AK8: variants seen among roughly 807,000 people sequenced by gnomAD.
AK8 encodes the protein adenylate kinase 8.
Under a neutral mutation model 54.6 loss-of-function variants are expected in AK8, and 44 were observed. The observed-to-expected ratio is 0.81, with a 90% CI of 0.63 to 1.04. The LOEUF is 1.04. Among genes scored for constraint, AK8 ranks in the 50% least tolerant of loss-of-function variants. The probability of loss-of-function intolerance (pLI) is 0.00; values close to 1 mark genes in which losing one functional copy is unlikely to be tolerated. For synonymous variants in AK8, 239 were observed against 245.6 expected, an observed-to-expected ratio of 0.97 and a Z score of 0.25; for missense variants, 555 against 613.6, an observed-to-expected ratio of 0.90 and a Z score of 1.01.
intron 11 of AK8, among the ~76,000 whole-genome samples, chr9:132,776,297 C>T (rs572002404): frequency 7.0e-4 from 106 of 152,318 alleles, no homozygotes; most frequent in South Asian, 1.4e-3. Flanking sequence ...AACTGCAGGC[C>T]GGATGACCCA....
intron 11 of AK8, among the ~76,000 whole-genome samples, chr9:132,731,405 A>G (rs752712519): frequency 6.6e-6 from 1 of 152,032 alleles, no homozygotes; most frequent in Non-Finnish European, 1.5e-5. Context: ...GTGTCTCCAG[A>G]GGAGAGGGCT....
At chr9:132,867,726 T>TGGGGCCAG (rs1166504388) in intron 2 of AK8, among the ~76,000 whole-genome samples, 1 of 152,250 alleles carries the variant, frequency 6.6e-6, no homozygotes, top group Non-Finnish European at 1.5e-5. Context: ...GCCCTTTCTC[T>TGGGGCCAG]GTTCTAGGCC....
intron 9 of AK8, 99 bp downstream of exon 9, chr9:132,823,106 C>G (rs746375224): frequency 2.1e-6 from 3 of 1,452,798 alleles, no homozygotes; most frequent in Non-Finnish European, 2.7e-6. Context: ...TGACCCTTCC[C>G]CCCCAACACC....
At position 132,837,792 on chromosome 9, in the gene AK8, AG is replaced by A. The variant is rs898495478; in HGVS notation, c.403-9067del. Among the ~76,000 whole-genome samples, 1 of 152,136 alleles carries A rather than the reference AG, an allele frequency of 6.6e-6. No homozygotes were observed. The highest frequency in any genetic ancestry group is 2.4e-5 in the African/African-American group (1 of 41,418). ...TCTCTTACAGAAACACCCACAAATA[AG>A]GGGGCACAGGAGGTGTGCTCACTGT... is the stretch of plus-strand genomic sequence containing the variant. On this transcript the variant is annotated intron_variant, in intron 5 of 12. Transcript: ENST00000298545. The surrounding 1 kb of genome is among the most constrained non-coding windows in gnomAD (Gnocchi z 4.3).
chr9:132,837,501 T>C lies in AK8; in HGVS notation c.403-8775A>G, dbSNP rs1025772553. The stretch of plus-strand genomic sequence containing the variant: ...TGGGTCCAGTCCCGTTCCCATCATC[T>C]CCGTGCCTCTCAATACTCTCTCCTG... On this transcript the variant is annotated intron_variant, in intron 5 of 12. Coordinates refer to ENST00000298545, the MANE Select transcript of AK8 (RefSeq NM_152572.3). This position sits in a 1 kb window ranked among gnomAD's most constrained non-coding sequence, Gnocchi z 4.3. Among the ~76,000 whole-genome samples, 1 of 151,970 alleles carries C rather than the reference T, an allele frequency of 6.6e-6. No homozygotes were observed. Among genetic ancestry groups the C allele is most frequent in the Non-Finnish European group, 1.5e-5 (1 of 67,992 alleles).
chr9:132,846,892 G>A (rs1346189344), intron 5 of AK8, among the ~76,000 whole-genome samples: 1 of 152,234 alleles, frequency 6.6e-6, no homozygotes. Context: ...AGTAACACTG[G>A]CCATGTAGGG....
chr9:132,834,143 G>A (rs1052162304), intron 5 of AK8, among the ~76,000 whole-genome samples: 1 of 152,180 alleles, frequency 6.6e-6, no homozygotes, highest in Non-Finnish European at 1.5e-5. Context: ...TCTGAACCAG[G>A]GCAAGCCTCA....
At chr9:132,802,581 C>A (rs991801032) in intron 10 of AK8, among the ~76,000 whole-genome samples, 3 of 152,076 alleles carry the variant, frequency 2.0e-5, no homozygotes, top group African/African-American at 7.2e-5. Context: ...AGGGAAGATG[C>A]CTGGCCAGCC....
chr9:132,826,943 T>C lies in AK8; in HGVS notation c.668A>G (p.His223Arg), dbSNP rs1254392850. 1.9e-6 allele frequency: 3 copies of C among 1,614,224 alleles called. No individual in the cohort carries two copies. The highest frequency in any genetic ancestry group is 3.3e-4 in the Middle Eastern group (2 of 6,062). ...LETAQKLLEY[H>R]RNIVRVIPSY... The stretch of plus-strand genomic sequence containing the variant: ...GGGAATGACCCTGACGATGTTCCTA[T>C]GATACTCCAGCAGTTTCTGAGCCGT... Residue 223 changes from histidine to arginine, a missense_variant, in exon 8 of 13, where the codon CAT (histidine) becomes CGT (arginine). Physicochemically the swap from His to Arg is conservative, Grantham distance 29. Coordinates refer to ENST00000298545, the MANE Select transcript of AK8 (RefSeq NM_152572.3). The surrounding 1 kb of genome is among the most constrained non-coding windows in gnomAD (Gnocchi z 4.5).
intron 1 of AK8, among the ~76,000 whole-genome samples, 193 bp from the exon 2 acceptor site, chr9:132,875,392 C>A (rs994277737): frequency 6.6e-6 from 1 of 152,166 alleles, no homozygotes; most frequent in Non-Finnish European, 1.5e-5. Context: ...CCACGTGGTG[C>A]TGCTGCGGAG....
Position 132,852,489 on chromosome 9 carries a change from A to G in AK8, c.402+2368T>C, listed in dbSNP as rs548073598. Among the ~76,000 whole-genome samples, 105 of 152,114 alleles carry G rather than the reference A, an allele frequency of 6.9e-4. 1 individual carries two copies. The highest frequency in any genetic ancestry group is 2.4e-3 in the African/African-American group (99 of 41,492). On this transcript the variant is annotated intron_variant, in intron 5 of 12. Transcript: ENST00000298545. ...GCCGGGTGTGGTGGCACGTGCCTGT[A>G]ATCCCAGCTACTCGGGAGGATGAGG... is the stretch of plus-strand genomic sequence containing the variant.
Position 132,727,457 on chromosome 9 carries a change from TC to T in AK8, c.1198del (p.Glu400LysfsTer32), listed in dbSNP as rs1836628897. On this transcript the variant is annotated frameshift_variant, in exon 12 of 13. Transcript: ENST00000298545. LOFTEE classifies it high-confidence loss of function. ...TLRRIDPVTG[E>X]RYHLMYKPPP... ...CCACCAGGAACACAGCACAAACCTTTCCCCAGTGACTGGATCAATTCTTCTC... is the reference window on the plus strand; with the variant it reads ...CCACCAGGAACACAGCACAAACCTTTCCCAGTGACTGGATCAATTCTTCTC... The T allele has an allele frequency of 6.2e-7, 1 of 1,613,950 alleles. No individual in the cohort carries two copies. Among genetic ancestry groups the T allele is most frequent in the African/African-American group, 1.3e-5 (1 of 74,980 alleles).
intron 11 of AK8, chr9:132,769,768 G>C (rs1000392217): frequency 6.6e-6 from 1 of 152,138 alleles, no homozygotes; most frequent in Non-Finnish European, 1.5e-5. Context: ...AATTAATAAA[G>C]CTGTCAGGTG....
At chr9:132,764,875 C>T (rs1489180096) in intron 11 of AK8, among the ~76,000 whole-genome samples, 2 of 152,164 alleles carry the variant, frequency 1.3e-5, no homozygotes, top group African/African-American at 4.8e-5. Flanking sequence ...CAGCATTACT[C>T]TAATACCAAG....
At chr9:132,830,274 T>C (rs962849986) in intron 5 of AK8, among the ~76,000 whole-genome samples, 2 of 152,248 alleles carry the variant, frequency 1.3e-5, no homozygotes, top group Non-Finnish European at 2.9e-5. Context: ...TGTATATGCA[T>C]CTCGATGCCT....
At chr9:132,737,357 T>C (rs1483153087) in intron 11 of AK8, among the ~76,000 whole-genome samples, 1 of 152,194 alleles carries the variant, frequency 6.6e-6, no homozygotes, top group African/African-American at 2.4e-5. Flanking sequence ...ATAAACTCTT[T>C]CAGAAAATAG....
chr9:132,852,632 C>CGGT (rs1564439322), intron 5 of AK8, among the ~76,000 whole-genome samples: 1 of 147,708 alleles, frequency 6.8e-6, no homozygotes, highest in African/African-American at 2.5e-5. Flanking sequence ...AAATTAGGCA[C>CGGT]GGTGGTGTAT....
At chr9:132,815,585 G>GTACCACGC (rs1301817851) in intron 9 of AK8, among the ~76,000 whole-genome samples, 1 of 152,102 alleles carries the variant, frequency 6.6e-6, no homozygotes, top group East Asian at 1.9e-4. Flanking sequence ...AGAAAAAAAG[G>GTACCACGC]TACCACGCTG....
At chr9:132,772,377 T>C (rs551637419) in intron 11 of AK8, among the ~76,000 whole-genome samples, 1 of 151,922 alleles carries the variant, frequency 6.6e-6, no homozygotes, top group Non-Finnish European at 1.5e-5. Flanking sequence ...TTTAAAGAGG[T>C]GGTTAAGTTA....
Sources: allele counts gnomAD v4.1 joint callset (sites outside exome capture counted in the v4.1 genomes callset), GRCh38; gene constraint gnomAD v4.1.1; non-coding constraint Gnocchi (gnomAD v3.1); transcripts MANE v1.5; gene names NCBI Gene and HGNC (gene_info 2026-07-23, HGNC 2026-07-21).